The following ELF1 variants were observed in gnomAD, a reference collection of about 807,000 sequenced individuals.
The protein encoded by ELF1 is E74 like ETS transcription factor 1.
ELF1 carries 24 observed loss-of-function variants against 59.9 expected under a neutral mutation model. The observed-to-expected ratio is 0.40, with a 90% CI of 0.29 to 0.56. ELF1 has a LOEUF of 0.56. ELF1 is among the 20% of genes least tolerant of loss of function. ELF1 has a pLI of 0.44. For missense variants in ELF1, 627 were observed against 742.2 expected (o/e 0.84, Z 1.80); for synonymous variants, 248 against 266.2 (o/e 0.93, Z 0.67).
chr13:41,036,830 C>A (rs1363032998), intron 1 of ELF1, among the ~76,000 whole-genome samples: 1 of 152,120 alleles, frequency 6.6e-6, no homozygotes, highest in Non-Finnish European at 1.5e-5. Context: ...TGGAAACCAT[C>A]ATTCTCAGCA....
chr13:40,944,815 G>T (rs1415757283), intron 5 of ELF1, among the ~76,000 whole-genome samples: 1 of 152,034 alleles, frequency 6.6e-6, no homozygotes, highest in Non-Finnish European at 1.5e-5. Flanking sequence ...GATTACTGTG[G>T]TGAATTACAG....
chr13:41,018,494 GA>G lies in ELF1; in HGVS notation c.-229+733del, dbSNP rs145196604. Among the ~76,000 whole-genome samples the G allele has an allele frequency of 6.7e-3, 1,025 of 152,218 alleles. 16 individuals carry two copies. The highest frequency in any genetic ancestry group is 0.023 in the African/African-American group (974 of 41,512). ...GCTTTACTTCTAAGGTTGTTACTCA[GA>G]ACAAGTTTTCAGTGTGAATTATAAA... On this transcript the variant is annotated intron_variant, in intron 1 of 8. Coordinates refer to ENST00000239882, the MANE Select transcript of ELF1 (RefSeq NM_172373.4).
At chr13:40,957,320 G>T (rs1871510281) in intron 3 of ELF1, among the ~76,000 whole-genome samples, 1 of 132,826 alleles carries the variant, frequency 7.5e-6, no homozygotes, top group South Asian at 2.7e-4. Context: ...GCTCTTTCCT[G>T]TCCCAAGATC....
At position 40,971,950 on chromosome 13, in the gene ELF1, T is replaced by TG. The variant is rs68132266; in HGVS notation, c.72+10032dup. ...GGTAAACAAACAGGTAGTTTTTTTT[T>TG]GGGGGGGGGTATAGTAAATTTTAAC... is the stretch of plus-strand genomic sequence containing the variant. On this transcript the variant is annotated intron_variant, in intron 2 of 8. Transcript: ENST00000239882. 7.2e-3 allele frequency among the ~76,000 whole-genome samples: 1,079 copies of TG among 149,812 alleles called. 8 individuals are homozygous for TG. The highest frequency in any genetic ancestry group is 0.014 in the South Asian group (67 of 4,708).
At chr13:40,935,798 G>A (rs770350904) in intron 8 of ELF1, among the ~76,000 whole-genome samples, 4 of 151,452 alleles carry the variant, frequency 2.6e-5, no homozygotes, top group East Asian at 2.0e-4. Context: ...TCAGCCTCCC[G>A]AGTAGCTGGG....
At chr13:40,983,751 ATTAT>A (rs1284005637) in intron 1 of ELF1, among the ~76,000 whole-genome samples, 1 of 152,136 alleles carries the variant, frequency 6.6e-6, no homozygotes, top group African/African-American at 2.4e-5. Flanking sequence ...TGTACTTATT[ATTAT>A]TTATAATACC....
Position 40,958,920 on chromosome 13 carries a change from G to T in ELF1, c.169C>A (p.Pro57Thr). The part of the protein sequence containing the change: ...SYAGLACVEE[P>T]NDMITESSLD... The stretch of plus-strand genomic sequence containing the variant: ...GAACTCTCAGTAATCATGTCATTGG[G>T]CTCTTCCACACAGGCTAGACCGGCA... Residue 57 changes from proline to threonine, a missense_variant, in exon 3 of 9, where the codon CCC becomes ACC. This residue lies in a region of ELF1 where 232 missense variants were observed against 269.2 expected (regional missense o/e 0.86). Transcript: ENST00000239882. The T allele has an allele frequency of 6.2e-7, 1 of 1,614,020 alleles. No individual in the cohort carries two copies. The highest frequency in any genetic ancestry group is 8.5e-7 in the Non-Finnish European group (1 of 1,179,990).
At chr13:41,001,286 T>A (rs1008547360) in intron 1 of ELF1, among the ~76,000 whole-genome samples, 1 of 152,054 alleles carries the variant, frequency 6.6e-6, no homozygotes, top group African/African-American at 2.4e-5. Context: ...ACATTTTTTT[T>A]TAATTATTAT....
intron 7 of ELF1, 52 bp downstream of exon 7, chr13:40,942,900 C>T (rs1039161119): frequency 7.1e-7 from 1 of 1,417,636 alleles, no homozygotes; most frequent in African/African-American, 1.4e-5. Flanking sequence ...TTTTTTTTTA[C>T]AATTTAGAAA....
Position 40,937,626 on chromosome 13 carries a change from C to A in ELF1, c.1256+3295G>T, listed in dbSNP as rs551460269. ...CTGGGATTACAGGCGCCCGCCACTA[C>A]GCCTAGCTAATTTTTTGTATTTTTA... On this transcript the variant is annotated intron_variant, in intron 8 of 8. Coordinates refer to ENST00000239882, the MANE Select transcript of ELF1 (RefSeq NM_172373.4). 1.6e-3 allele frequency among the ~76,000 whole-genome samples: 246 copies of A among 152,012 alleles called. 1 individual carries two copies. The highest frequency in any genetic ancestry group is 5.8e-3 in the African/African-American group (240 of 41,458).
chr13:41,060,914 TGCCGCCGCCGCCGCCGCCGCC>T (rs60249003), exon 1 of ELF1: 8 of 344,962 alleles, frequency 2.3e-5, no homozygotes, highest in South Asian at 4.4e-5. Context: ...AAGCTGCTGC[TGCCGCCGCCGCCGCCGCCGCC>T]GCCGCCGCCG....
Position 40,941,129 on chromosome 13 carries a change from A to C in ELF1, c.1048T>G (p.Ser350Ala), listed in dbSNP as rs35449414. Residue 350 changes from serine (S) to alanine (A), a missense_variant, in exon 8 of 9, where the codon TCT becomes GCT. Ser to Ala is a moderately conservative substitution (Grantham distance 99). Around this residue, in one of 3 missense-constraint regions of ELF1, gnomAD observed 361 missense variants for 396.1 expected, o/e 0.91. Transcript: ENST00000239882. ...GGATCTTTGGGTTTTGCAGCTTTAGAATTCCCTGGTTTTAGAACTGTAGTG... is the reference window on the plus strand; with the variant it reads ...GGATCTTTGGGTTTTGCAGCTTTAGCATTCCCTGGTTTTAGAACTGTAGTG... ...GATTVLKPGNSKAAKPKDPVE... is the reference protein window; with the variant it reads ...GATTVLKPGNAKAAKPKDPVE... The C allele has an allele frequency of 4.5e-3, 7,194 of 1,614,144 alleles. 15 individuals are homozygous for C. The highest frequency in any genetic ancestry group is 5.7e-3 in the Non-Finnish European group (6,726 of 1,180,038).
intron 1 of ELF1, among the ~76,000 whole-genome samples, chr13:41,026,047 T>C (rs1875885693): frequency 6.6e-6 from 1 of 152,224 alleles, no homozygotes; most frequent in South Asian, 2.1e-4. Flanking sequence ...CTTGATCACC[T>C]TTCCCCTCAA....
intron 1 of ELF1, among the ~76,000 whole-genome samples, chr13:41,010,495 G>A (rs1842993323): frequency 7.7e-6 from 1 of 129,914 alleles, no homozygotes; most frequent in Non-Finnish European, 1.6e-5. Flanking sequence ...TGAGGTGTAT[G>A]TGTGTGTGTG....
intron 1 of ELF1, among the ~76,000 whole-genome samples, chr13:41,056,439 A>G (rs1825618655): frequency 6.6e-6 from 1 of 152,194 alleles, no homozygotes; most frequent in South Asian, 2.1e-4. Context: ...TGCTATAAAC[A>G]TTTGTATACA....
chr13:40,996,795 AC>A (rs980325122), intron 1 of ELF1, among the ~76,000 whole-genome samples: 2 of 151,692 alleles, frequency 1.3e-5, no homozygotes, highest in African/African-American at 4.8e-5. Flanking sequence ...TTTTTTTTAA[AC>A]TATAGCTCCA....
chr13:41,009,138 A>C (rs1217434900), intron 1 of ELF1, among the ~76,000 whole-genome samples: 1 of 151,858 alleles, frequency 6.6e-6, no homozygotes, highest in Non-Finnish European at 1.5e-5. Context: ...TGGGCGTATT[A>C]TTTTTAAATA....
At chr13:41,036,162 C>A (rs9594482) in intron 1 of ELF1, among the ~76,000 whole-genome samples, 1 of 151,650 alleles carries the variant, frequency 6.6e-6, no homozygotes, top group African/African-American at 2.4e-5. Flanking sequence ...GTGATCCACC[C>A]GTCTCGGCCT....
At chr13:41,058,864 T>C (rs974353136) in intron 1 of ELF1, among the ~76,000 whole-genome samples, 25 of 152,184 alleles carry the variant, frequency 1.6e-4, no homozygotes, top group African/African-American at 6.0e-4. Context: ...TCCCAGCTAC[T>C]TGGGAGGCTG....
Sources: gnomAD v4.1 joint callset for allele counts (sites outside exome capture counted in the v4.1 genomes callset) on GRCh38, gnomAD v4.1.1 for gene constraint, gnomAD v4.1.1 regional missense constraint, MANE v1.5 for transcripts, NCBI Gene and HGNC (gene_info 2026-07-23, HGNC 2026-07-21) for gene names.